The following COL23A1 variants were observed in gnomAD, a reference collection of about 807,000 sequenced individuals.
The protein encoded by COL23A1 is collagen alpha-1(XXIII) chain.
In COL23A1, 97 loss-of-function variants were observed where a neutral mutation model predicts 99.3. That is an observed-to-expected ratio of 0.98 (90% confidence interval 0.83 to 1.16). The LOEUF is 1.16. Ranked by LOEUF, COL23A1 falls within the 50% of genes most tolerant of loss-of-function variation. The probability of loss-of-function intolerance (pLI) is 0.00; values close to 1 mark genes in which losing one functional copy is unlikely to be tolerated. For synonymous variants in COL23A1, 320 were observed against 308.2 expected (o/e 1.04, Z -0.40); for missense variants, 762 against 757.4 (o/e 1.01, Z -0.07).
chr5:178,315,762 CTTTTTT>C (rs34604670), intron 2 of COL23A1, among the ~76,000 whole-genome samples: 18 of 96,730 alleles, frequency 1.9e-4, no homozygotes, highest in African/African-American at 4.7e-4. Context: ...GAAGCACTGA[CTTTTTT>C]TTTTTTTTTT....
At chr5:178,343,084 C>T (rs1304268400) in intron 2 of COL23A1, among the ~76,000 whole-genome samples, 1 of 152,216 alleles carries the variant, frequency 6.6e-6, no homozygotes, top group Non-Finnish European at 1.5e-5. Context: ...AGCCAACTGT[C>T]ACCCAAGTGT....
intron 12 of COL23A1, among the ~76,000 whole-genome samples, 169 bp from the exon 13 acceptor site, chr5:178,257,736 C>G (rs1361781043): frequency 1.3e-5 from 2 of 152,246 alleles, no homozygotes; most frequent in African/African-American, 4.8e-5. Flanking sequence ...GGTGTGGGGT[C>G]AGACCCATCT....
In COL23A1 at chr5:178,549,790, G is replaced by A. The variant is rs560680410; in HGVS notation, c.361+10892C>T. 1.3e-4 allele frequency among the ~76,000 whole-genome samples: 20 copies of A among 151,956 alleles called. No homozygotes were observed. In the East Asian group the frequency reaches 3.3e-3, roughly 25 times the overall value. On this transcript the variant is annotated intron_variant, in intron 2 of 28. Transcript: ENST00000390654. ...AGATTGCACCATTGCACTCCAGCCT[G>A]GACAACAAGAGCAGAATCCTGTCTC... is the stretch of plus-strand genomic sequence containing the variant.
chr5:178,241,359 G>A (rs1392034824), intron 27 of COL23A1, among the ~76,000 whole-genome samples: 2 of 152,164 alleles, frequency 1.3e-5, no homozygotes, highest in African/African-American at 4.8e-5. Flanking sequence ...GGGGTAGGCA[G>A]AGGGGATGTG....
At chr5:178,464,367 T>C (rs1482596071) in intron 2 of COL23A1, among the ~76,000 whole-genome samples, 1 of 152,224 alleles carries the variant, frequency 6.6e-6, no homozygotes, top group Non-Finnish European at 1.5e-5. Context: ...TTCATCCCTG[T>C]TGGAGCATGC....
chr5:178,528,570 T>G (rs180863094), intron 2 of COL23A1, among the ~76,000 whole-genome samples: 59 of 152,302 alleles, frequency 3.9e-4, no homozygotes, highest in Middle Eastern at 6.8e-3. Flanking sequence ...TCCCAGCACT[T>G]TGGGAGGCCG....
At chr5:178,399,040 A>T (rs2127761524) in intron 2 of COL23A1, among the ~76,000 whole-genome samples, 1 of 152,356 alleles carries the variant, frequency 6.6e-6, no homozygotes, top group East Asian at 1.9e-4. Flanking sequence ...GTGCACGGGC[A>T]GAGGGCCCTG....
chr5:178,502,201 G>A (rs664185), intron 2 of COL23A1, among the ~76,000 whole-genome samples: 11,329 of 152,070 alleles, frequency 0.074, 1,208 homozygotes, highest in East Asian at 0.52. Flanking sequence ...GCGTGATCTC[G>A]GCCCACTGCA....
Position 178,590,272 on chromosome 5 carries a change from C to T in COL23A1, c.-75G>A. 1 of 1,154,226 alleles carries T rather than the reference C, an allele frequency of 8.7e-7. No homozygotes were observed. The highest frequency in any genetic ancestry group is 1.1e-6 in the Non-Finnish European group (1 of 932,922). The allele number at this position is 1,154,226 out of a possible 1,614,324, so 71.5% of individuals were successfully genotyped here. A position where few individuals can be genotyped will look rare whatever the true frequency, so the allele number is the denominator to read the frequency against. On this transcript the variant is annotated 5_prime_UTR_variant, in exon 1 of 29. Coordinates refer to ENST00000390654, the MANE Select transcript of COL23A1 (RefSeq NM_173465.4). The surrounding 1 kb of genome is among the most constrained non-coding windows in gnomAD (Gnocchi z 5.7). ...AGAGGCTGGGTGCGAGAGGAGCAGGCGGGACAGCCCGAGGCACGAGGTCCG... is the reference window on the plus strand; with the variant it reads ...AGAGGCTGGGTGCGAGAGGAGCAGGTGGGACAGCCCGAGGCACGAGGTCCG...
chr5:178,247,845 G>A lies in COL23A1; in HGVS notation c.1213-14C>T, dbSNP rs1476815045. ...TATGAGCTGAGCCTAGGGAGGGTGA[G>A]AGACAGGTTAGTCACCCACCGCCTG... is the stretch of plus-strand genomic sequence containing the variant. On this transcript the variant is annotated splice_polypyrimidine_tract_variant and intron_variant, in intron 20 of 28. Coordinates refer to ENST00000390654, the MANE Select transcript of COL23A1 (RefSeq NM_173465.4). 6.2e-7 allele frequency: 1 copy of A among 1,609,608 alleles called. No homozygotes were observed. The highest frequency in any genetic ancestry group is 1.7e-5 in the Admixed American group (1 of 59,362).
At chr5:178,541,049 C>T (rs1761257415) in intron 2 of COL23A1, among the ~76,000 whole-genome samples, 1 of 152,186 alleles carries the variant, frequency 6.6e-6, no homozygotes, top group Non-Finnish European at 1.5e-5. Context: ...TGAGAACAGT[C>T]AAGGCAATCC....
intron 2 of COL23A1, among the ~76,000 whole-genome samples, chr5:178,500,355 AG>A (rs1240954995): frequency 7.4e-6 from 1 of 135,426 alleles, no homozygotes; most frequent in Non-Finnish European, 1.5e-5. Context: ...TGGGAAGCCG[AG>A]GCGGGAGGGT....
At position 178,302,007 on chromosome 5, in the gene COL23A1, G is replaced by C. The variant is rs867439275; in HGVS notation, c.406+4868C>G. ...CCTCAATCCACCTCTGTGTGTGCCG[G>C]AGCACAGCTTCAATCCACCTCTGTG... On this transcript the variant is annotated intron_variant, in intron 3 of 28. Coordinates refer to ENST00000390654, the MANE Select transcript of COL23A1 (RefSeq NM_173465.4). Among the ~76,000 whole-genome samples, 15 of 26,476 alleles carry C rather than the reference G, an allele frequency of 5.7e-4. 1 individual carries two copies. Among genetic ancestry groups the C allele is most frequent in the African/African-American group, 1.7e-3 (10 of 6,004 alleles). 17.4% of individuals were successfully genotyped at this position (26,476 alleles called of 152,430 possible).
intron 2 of COL23A1, among the ~76,000 whole-genome samples, chr5:178,470,750 G>A (rs537960859): frequency 1.3e-5 from 2 of 151,836 alleles, no homozygotes; most frequent in African/African-American, 4.8e-5. Context: ...ACAGAATACA[G>A]TGGCACTTCC....
At chr5:178,324,732 G>T (rs1759545933) in intron 2 of COL23A1, among the ~76,000 whole-genome samples, 1 of 152,230 alleles carries the variant, frequency 6.6e-6, no homozygotes, top group Admixed American at 6.5e-5. Flanking sequence ...TGGGACAGAA[G>T]TGCCTCACCA....
rs1474626077 is a variant in COL23A1 at position 178,387,130 on chromosome 5, C to T, written c.362-80211G>A. Among the ~76,000 whole-genome samples, 1 of 152,040 alleles carries T rather than the reference C, an allele frequency of 6.6e-6. No homozygotes were observed. The highest frequency in any genetic ancestry group is 2.4e-5 in the African/African-American group (1 of 41,404). Reference sequence around the variant, plus strand: ...AGCTTCTCATCACCCCGTCTGGAACCAACAACACCCTCTTTTCTCTTTCAT... The same window carrying T: ...AGCTTCTCATCACCCCGTCTGGAACTAACAACACCCTCTTTTCTCTTTCAT... On this transcript the variant is annotated intron_variant, in intron 2 of 28. Transcript: ENST00000390654. This position sits in a 1 kb window ranked among gnomAD's most constrained non-coding sequence, Gnocchi z 4.7.
At chr5:178,511,033 A>AC (rs1491492075) in intron 2 of COL23A1, among the ~76,000 whole-genome samples, 1 of 152,220 alleles carries the variant, frequency 6.6e-6, no homozygotes, top group Non-Finnish European at 1.5e-5. Context: ...ATAGGCAAAC[A>AC]AGAGCTAAAA....
chr5:178,305,305 C>T (rs1313795565), intron 3 of COL23A1, among the ~76,000 whole-genome samples: 1 of 72,858 alleles, frequency 1.4e-5, no homozygotes, highest in South Asian at 3.1e-4. Flanking sequence ...GTAAGGAACT[C>T]GACACTGCAA....
At chr5:178,291,804 C>G (rs577055868) in intron 3 of COL23A1, among the ~76,000 whole-genome samples, 1 of 151,850 alleles carries the variant, frequency 6.6e-6, no homozygotes, top group East Asian at 1.9e-4. Context: ...CGCACAGTAG[C>G]GATGCATAGA....
Sources: gnomAD v4.1 joint callset for allele counts (sites outside exome capture counted in the v4.1 genomes callset) on GRCh38, gnomAD v4.1.1 for gene constraint, Gnocchi (gnomAD v3.1) non-coding constraint, MANE v1.5 for transcripts, NCBI Gene and HGNC (gene_info 2026-07-23, HGNC 2026-07-21) for gene names.